Variants in LRP1B observed in about 807,000 individuals in gnomAD.
LRP1B encodes the protein low-density lipoprotein receptor-related protein 1B.
In LRP1B, 217 loss-of-function variants were observed where a neutral mutation model predicts 556.6. The observed-to-expected ratio is 0.39, with a 90% confidence interval of 0.35 to 0.44. The LOEUF is 0.44. Ranked by LOEUF, LRP1B falls within the 20% of genes least tolerant of loss-of-function variation. The pLI, the probability that LRP1B is intolerant of heterozygous loss-of-function variation, is 1.00. For missense variants in LRP1B, 5,053 were observed against 5,620.8 expected (o/e 0.90, Z 3.23); for synonymous variants, 2,047 against 1,865.8 (o/e 1.10, Z -2.50).
chr2:140,565,576 A>G (rs562988525), intron 43 of LRP1B, among the ~76,000 whole-genome samples: 2 of 152,328 alleles, frequency 1.3e-5, no homozygotes, highest in South Asian at 4.1e-4. Context: ...ACAGTTTAAA[A>G]TAAGTGGCAA....
chr2:141,431,817 G>T lies in LRP1B; in HGVS notation c.343+48579C>A, dbSNP rs576178230. On this transcript the variant is annotated intron_variant, in intron 3 of 90. Coordinates refer to ENST00000389484, the MANE Select transcript of LRP1B (RefSeq NM_018557.3). ...AATTGATTTTTGTATGCTAATCTTGGGTCCTACAAGCTGTCTGAACTCATC... is the reference window on the plus strand; with the variant it reads ...AATTGATTTTTGTATGCTAATCTTGTGTCCTACAAGCTGTCTGAACTCATC... 4.6e-5 allele frequency among the ~76,000 whole-genome samples: 7 copies of T among 151,930 alleles called. No individual in the cohort carries two copies. The South Asian group carries it at 1.5e-3, about 32-fold the overall frequency.
chr2:141,538,004 C>T (rs763308874), intron 2 of LRP1B, among the ~76,000 whole-genome samples: 1 of 152,154 alleles, frequency 6.6e-6, no homozygotes, highest in South Asian at 2.1e-4. Flanking sequence ...TATCCTGGGT[C>T]CTGAAATCTA....
At chr2:142,016,467 G>A (rs1377755804) in intron 1 of LRP1B, among the ~76,000 whole-genome samples, 1 of 152,098 alleles carries the variant, frequency 6.6e-6, no homozygotes, top group Admixed American at 6.6e-5. Context: ...AGAAAATGTG[G>A]CACATATACA....
chr2:141,084,615 C>A (rs1700002496), intron 7 of LRP1B, among the ~76,000 whole-genome samples: 1 of 150,246 alleles, frequency 6.7e-6, no homozygotes, highest in African/African-American at 2.4e-5. Context: ...CATCGTTTAT[C>A]ATTTTGTGTG....
intron 32 of LRP1B, among the ~76,000 whole-genome samples, chr2:140,805,162 T>A (rs1440794271): frequency 6.6e-6 from 1 of 152,206 alleles, no homozygotes; most frequent in Non-Finnish European, 1.5e-5. Context: ...CCCACCTTTT[T>A]TGACTGATCC....
chr2:140,529,015 T>C (rs1156744944), intron 47 of LRP1B, among the ~76,000 whole-genome samples: 1 of 151,962 alleles, frequency 6.6e-6, no homozygotes, highest in African/African-American at 2.4e-5. Context: ...CTAAGAGTCC[T>C]GATAAAGAGA....
At chr2:140,693,276 T>C (rs1303024797) in intron 41 of LRP1B, among the ~76,000 whole-genome samples, 1 of 152,210 alleles carries the variant, frequency 6.6e-6, no homozygotes, top group East Asian at 1.9e-4. Context: ...ATGTGAATTC[T>C]ACTATCAACA....
chr2:141,543,286 T>A (rs1313273301), intron 2 of LRP1B, among the ~76,000 whole-genome samples: 2 of 151,520 alleles, frequency 1.3e-5, no homozygotes, highest in African/African-American at 4.8e-5. Flanking sequence ...AGGCTGGAGA[T>A]CATTTGAGCC....
intron 4 of LRP1B, among the ~76,000 whole-genome samples, chr2:141,252,053 G>A (rs139402872): frequency 4.9e-4 from 75 of 151,972 alleles, no homozygotes; most frequent in African/African-American, 1.6e-3. Context: ...TTCAGAAATG[G>A]GTGTATAAAT....
intron 2 of LRP1B, among the ~76,000 whole-genome samples, chr2:141,773,425 A>T (rs1456627191): frequency 6.6e-6 from 1 of 152,254 alleles, no homozygotes; most frequent in Non-Finnish European, 1.5e-5. Context: ...AAGGTCAAGT[A>T]CGGTTTCCTG....
chr2:141,287,362 G>C (rs1015478877), intron 3 of LRP1B, among the ~76,000 whole-genome samples: 2 of 146,466 alleles, frequency 1.4e-5, no homozygotes, highest in Non-Finnish European at 3.0e-5. Flanking sequence ...TCACTCTGTC[G>C]CCCAGGCTGG....
intron 1 of LRP1B, among the ~76,000 whole-genome samples, chr2:141,897,289 A>C (rs1187821501): frequency 6.6e-6 from 1 of 152,158 alleles, no homozygotes; most frequent in East Asian, 1.9e-4. Context: ...AGAAAAAATA[A>C]AATAAAACCA....
chr2:141,421,392 A>G (rs1007985325), intron 3 of LRP1B, among the ~76,000 whole-genome samples: 11 of 150,874 alleles, frequency 7.3e-5, no homozygotes, highest in East Asian at 2.0e-4. Flanking sequence ...AGCCGGGCGT[A>G]GTGGCGGGCG....
At chr2:141,575,249 G>T (rs1347614710) in intron 2 of LRP1B, among the ~76,000 whole-genome samples, 2 of 152,246 alleles carry the variant, frequency 1.3e-5, no homozygotes, top group East Asian at 3.9e-4. Context: ...CATGGTATTG[G>T]TACCAAAACA....
At chr2:141,668,182 CCCTTA>C (rs1382730132) in intron 2 of LRP1B, among the ~76,000 whole-genome samples, 6 of 152,174 alleles carry the variant, frequency 3.9e-5, no homozygotes, top group African/African-American at 1.4e-4. Context: ...CATTTCATTT[CCCTTA>C]CCTTTGCACA....
At chr2:141,417,792 T>A (rs1349006995) in intron 3 of LRP1B, among the ~76,000 whole-genome samples, 2 of 150,580 alleles carry the variant, frequency 1.3e-5, no homozygotes, top group Non-Finnish European at 3.0e-5. Context: ...ATCTCCATAC[T>A]GTTTTAGATA....
At chr2:141,536,770 AT>A (rs1339555163) in intron 2 of LRP1B, among the ~76,000 whole-genome samples, 1 of 152,086 alleles carries the variant, frequency 6.6e-6, no homozygotes, top group Non-Finnish European at 1.5e-5. Context: ...TGAAGGAAAC[AT>A]AATATCAATT....
chr2:140,634,418 A>T (rs1684001000), intron 41 of LRP1B, among the ~76,000 whole-genome samples: 1 of 152,142 alleles, frequency 6.6e-6, no homozygotes, highest in Non-Finnish European at 1.5e-5. Flanking sequence ...TAAATTTCCC[A>T]TGTAGAAGAA....
At chr2:141,492,491 CA>C (rs1683371132) in intron 2 of LRP1B, among the ~76,000 whole-genome samples, 1 of 152,044 alleles carries the variant, frequency 6.6e-6, no homozygotes, top group Non-Finnish European at 1.5e-5. Flanking sequence ...GCATATTTAT[CA>C]AAACAAAAGA....
Sources: allele counts gnomAD v4.1 joint callset (sites outside exome capture counted in the v4.1 genomes callset), GRCh38; gene constraint gnomAD v4.1.1; transcripts MANE v1.5; gene names NCBI Gene and HGNC (gene_info 2026-07-23, HGNC 2026-07-21).